The following TLL2 variants were observed in gnomAD, a reference collection of about 807,000 sequenced individuals.
The protein encoded by TLL2 is tolloid-like protein 2.
Under a neutral mutation model 123.0 loss-of-function variants are expected in TLL2, and 106 were observed. The ratio of observed to expected loss-of-function variants is 0.86; its 90% CI spans 0.74 to 1.01. TLL2 has a LOEUF of 1.01. TLL2 is among the 50% of genes least tolerant of loss of function. The probability of loss-of-function intolerance (pLI) is 0.00; values close to 1 mark genes in which losing one functional copy is unlikely to be tolerated. For synonymous variants in TLL2, 494 were observed against 516.8 expected, an observed-to-expected ratio of 0.96 and a Z score of 0.60; for missense variants, 1,332 against 1,336.7, an observed-to-expected ratio of 1.00 and a Z score of 0.06.
At chr10:96,476,857 TAC>T (rs56240059) in intron 2 of TLL2, among the ~76,000 whole-genome samples, 6,533 of 117,258 alleles carry the variant, frequency 0.056, 195 homozygotes, top group East Asian at 0.13. Context: ...CCTTTTATGT[TAC>T]ACACACACAC....
In TLL2 at chr10:96,413,249, G is replaced by A. The variant is rs143633465; in HGVS notation, c.991C>T (p.Arg331Cys). ...ATGTCTCCCTGACTGAGCCGCACGC[G>A]CTGGCCAATGGTTGGCCTGACGCCA... ...DNGVRPTIGQ[R>C]VRLSQGDIAQ... is the part of the protein sequence containing the mutation. The change falls in exon 8 of 21, where the codon CGC (arginine) becomes TGC (cysteine). Residue 331 changes from arginine to cysteine, a missense_variant. By Grantham distance (180) the Arg-to-Cys change is radical. Coordinates refer to ENST00000357947, the MANE Select transcript of TLL2 (RefSeq NM_012465.4). 138 of 1,614,042 alleles carry A rather than the reference G, an allele frequency of 8.5e-5. 1 individual carries two copies. The highest frequency in any genetic ancestry group is 1.3e-4 in the Admixed American group (8 of 60,002).
At chr10:96,383,503 C>G (rs944944145) in intron 16 of TLL2, among the ~76,000 whole-genome samples, 1 of 152,236 alleles carries the variant, frequency 6.6e-6, no homozygotes, top group Admixed American at 6.5e-5. Flanking sequence ...TCACTTGGCT[C>G]TCATTCTGTA....
In TLL2 at chr10:96,446,111, C is replaced by A. The variant is rs757609233; in HGVS notation, c.344G>T (p.Gly115Val). The A allele has an allele frequency of 6.2e-6, 10 of 1,614,122 alleles. No homozygotes were observed. In the Admixed American group the frequency reaches 1.7e-4, roughly 27 times the overall value. ...SSPDTTAMDT[G>V]TKEAGKDGRE... is the part of the protein sequence containing the mutation. ...ATTACCCTTTCCAGCTTCCTTGGTG[C>A]CAGTGTCCATGGCTGTGGTGTCTGG... Residue 115 changes from glycine to valine, a missense_variant, in exon 3 of 21, where the codon GGC becomes GTC. Coordinates refer to ENST00000357947, the MANE Select transcript of TLL2 (RefSeq NM_012465.4).
In TLL2 at chr10:96,513,661, C is replaced by T. The variant is rs753668549; in HGVS notation, c.25G>A (p.Ala9Thr). ...AGCAGCAGCAGCAGTGACACCAGGG[C>T]CCCAAGTGCAGTCGCCCGGGGCATG... MPRATALG[A>T]LVSLLLLLPL... Residue 9 changes from alanine (A) to threonine (T), a missense_variant, in exon 1 of 21, where the codon GCC becomes ACC. By Grantham distance (58) the Ala-to-Thr change is moderately conservative. Coordinates refer to ENST00000357947, the MANE Select transcript of TLL2 (RefSeq NM_012465.4). 6.4e-7 allele frequency: 1 copy of T among 1,574,466 alleles called. No homozygotes were observed. Among genetic ancestry groups the T allele is most frequent in the Non-Finnish European group, 8.6e-7 (1 of 1,166,740 alleles).
intron 2 of TLL2, among the ~76,000 whole-genome samples, chr10:96,448,283 T>C (rs1249472457): frequency 6.6e-6 from 1 of 152,192 alleles, no homozygotes; most frequent in East Asian, 1.9e-4. Flanking sequence ...GTTGCAGCAA[T>C]ATCATTTCCT....
intron 1 of TLL2, among the ~76,000 whole-genome samples, chr10:96,491,684 C>T (rs903775771): frequency 4.6e-5 from 7 of 152,154 alleles, no homozygotes; most frequent in Admixed American, 1.3e-4. Flanking sequence ...TTTAAAGACA[C>T]GCTTTCTAAT....
At chr10:96,498,462 T>C (rs1178700531) in intron 1 of TLL2, among the ~76,000 whole-genome samples, 1 of 152,246 alleles carries the variant, frequency 6.6e-6, no homozygotes, top group Non-Finnish European at 1.5e-5. Flanking sequence ...GTGGGCCTGT[T>C]GCCATTTTGA....
At chr10:96,438,174 G>T (rs1006799417) in intron 3 of TLL2, among the ~76,000 whole-genome samples, 2 of 152,172 alleles carry the variant, frequency 1.3e-5, no homozygotes, top group Non-Finnish European at 2.9e-5. Context: ...GATAGAAATT[G>T]CATTAAACCT....
chr10:96,367,830 A>C lies in TLL2; in HGVS notation c.*258T>G, dbSNP rs1846043257. ...CATAGCCGGAATGGTCAGTGACTTCAATCCTAATCTTTAACACTTTAACAG... is the reference window on the plus strand; with the variant it reads ...CATAGCCGGAATGGTCAGTGACTTCCATCCTAATCTTTAACACTTTAACAG... On this transcript the variant is annotated 3_prime_UTR_variant, in exon 21 of 21. Coordinates refer to ENST00000357947, the MANE Select transcript of TLL2 (RefSeq NM_012465.4). 3 of 409,624 alleles carry C rather than the reference A, an allele frequency of 7.3e-6. No individual in the cohort carries two copies. Among genetic ancestry groups the C allele is most frequent in the Non-Finnish European group, 1.3e-5 (3 of 224,204 alleles). The allele number at this position is 409,624 out of a possible 1,614,324, so 25.4% of individuals were successfully genotyped here.
chr10:96,473,544 A>G (rs947481396), intron 2 of TLL2, among the ~76,000 whole-genome samples: 2 of 152,172 alleles, frequency 1.3e-5, no homozygotes, highest in African/African-American at 4.8e-5. Flanking sequence ...TTTAAACCCA[A>G]TACCTAAACT....
At chr10:96,382,264 C>A (rs983706850) in intron 16 of TLL2, among the ~76,000 whole-genome samples, 2 of 152,198 alleles carry the variant, frequency 1.3e-5, no homozygotes, top group Non-Finnish European at 2.9e-5. Flanking sequence ...CTCTTGACCT[C>A]GTGATCCACC....
intron 2 of TLL2, among the ~76,000 whole-genome samples, chr10:96,475,162 C>T (rs1379372528): frequency 1.3e-5 from 2 of 152,310 alleles, no homozygotes; most frequent in East Asian, 3.9e-4. Context: ...AAGCTAGAAG[C>T]AGAACGGAGT....
chr10:96,466,640 T>C (rs1331630473), intron 2 of TLL2, among the ~76,000 whole-genome samples: 1 of 152,160 alleles, frequency 6.6e-6, no homozygotes, highest in Non-Finnish European at 1.5e-5. Context: ...TAAGAAGGGA[T>C]AAAGGAAGCT....
chr10:96,405,345 T>C lies in TLL2; in HGVS notation c.1165-11A>G. ...GAAGTTTAATACGATCTGTAAAGAA[T>C]TACCATAAAGTGAGTTTTGGCAGCA... On this transcript the variant is annotated splice_polypyrimidine_tract_variant and intron_variant, in intron 9 of 20. Coordinates refer to ENST00000357947, the MANE Select transcript of TLL2 (RefSeq NM_012465.4). 1 of 1,613,736 alleles carries C rather than the reference T, an allele frequency of 6.2e-7. No homozygotes were observed. Among genetic ancestry groups the C allele is most frequent in the Non-Finnish European group, 8.5e-7 (1 of 1,179,670 alleles).
At position 96,386,285 on chromosome 10, in the gene TLL2, G is replaced by A. The variant is rs1846234651; in HGVS notation, c.1853-70C>T. ...AGGTGACTGTGATTTCCCACCAGGA[G>A]CAATAGAGCCTTGCTGTTCTGTAAT... On this transcript the variant is annotated intron_variant, in intron 14 of 20. Coordinates refer to ENST00000357947, the MANE Select transcript of TLL2 (RefSeq NM_012465.4). 4 of 1,413,154 alleles carry A rather than the reference G, an allele frequency of 2.8e-6. No homozygotes were observed. The South Asian group carries it at 6.2e-5, about 22-fold the overall frequency. 87.5% of individuals were successfully genotyped at this position (1,413,154 alleles called of 1,614,324 possible).
intron 10 of TLL2, among the ~76,000 whole-genome samples, chr10:96,404,204 T>C (rs952335149): frequency 2.0e-5 from 3 of 152,210 alleles, no homozygotes; most frequent in African/African-American, 7.2e-5. Flanking sequence ...TTATTTCTTT[T>C]CTCAGTCTCT....
intron 15 of TLL2, among the ~76,000 whole-genome samples, chr10:96,385,524 G>A (rs1249773125): frequency 6.6e-6 from 1 of 152,142 alleles, no homozygotes; most frequent in African/African-American, 2.4e-5. Flanking sequence ...CAGCTCAGCT[G>A]GGGTGGGGAG....
chr10:96,426,530 G>C lies in TLL2; in HGVS notation c.638+2101C>G, dbSNP rs564980034. The stretch of plus-strand genomic sequence containing the variant: ...TGAAAGAATTCACCTGTGAAACTCT[G>C]GGTCTGGTGCTTTGTGGGAGATGGC... On this transcript the variant is annotated intron_variant, in intron 5 of 20. Transcript: ENST00000357947. Among the ~76,000 whole-genome samples, 238 of 152,254 alleles carry C rather than the reference G, an allele frequency of 1.6e-3. 1 individual carries two copies. The highest frequency in any genetic ancestry group is 5.6e-3 in the African/African-American group (233 of 41,562).
chr10:96,422,651 T>G lies in TLL2; in HGVS notation c.715A>C (p.Ile239Leu). The change falls in exon 6 of 21, where the codon ATT becomes CTT. Residue 239 changes from isoleucine (I) to leucine (L), a missense_variant. Physicochemically the swap from Ile to Leu is conservative, Grantham distance 5. Transcript: ENST00000357947. Reference sequence around the variant, plus strand: ...ACATGGCCCAGCTCGTGAGCCACAATGCCAAACTTGTCACAGTTCTTCCCA... The same window carrying G: ...ACATGGCCCAGCTCGTGAGCCACAAGGCCAAACTTGTCACAGTTCTTCCCA... ...SIGKNCDKFG[I>L]VAHELGHVVG... 6.2e-7 allele frequency: 1 copy of G among 1,614,204 alleles called. No individual in the cohort carries two copies.
Sources: gnomAD v4.1 joint callset for allele counts (sites outside exome capture counted in the v4.1 genomes callset) on GRCh38, gnomAD v4.1.1 for gene constraint, MANE v1.5 for transcripts, NCBI Gene and HGNC (gene_info 2026-07-23, HGNC 2026-07-21) for gene names.